The following ELAVL1 variants were observed in gnomAD, a reference collection of about 807,000 sequenced individuals.
ELAVL1 encodes the protein ELAV like RNA binding protein 1.
In ELAVL1, 1 loss-of-function variant was observed where a neutral mutation model predicts 28.4. That is an observed-to-expected ratio of 0.04 (90% CI 0.01 to 0.17). The LOEUF is 0.17. Ranked by LOEUF, ELAVL1 falls within the 10% of genes least tolerant of loss-of-function variation. ELAVL1 has a pLI of 1.00. For synonymous variants in ELAVL1, 174 were observed against 183.5 expected (o/e 0.95, Z 0.42); for missense variants, 157 against 447.2 (o/e 0.35, Z 5.85).
chr19:7,959,995 G>A lies in ELAVL1; in HGVS notation c.*3488C>T, dbSNP rs1005193904. ...CTGCGAAAAGCACATGGAAATAAAA[G>A]GGGGCTGAATCGGATGTGAAATGTA... On this transcript the variant is annotated 3_prime_UTR_variant, in exon 6 of 6. Transcript: ENST00000407627. The A allele has an allele frequency of 1.3e-5, 2 of 152,202 alleles. No individual in the cohort carries two copies. The highest frequency in any genetic ancestry group is 2.9e-5 in the Non-Finnish European group (2 of 68,040). 9.4% of individuals were successfully genotyped at this position (152,202 alleles called of 1,614,324 possible).
At chr19:7,974,121 G>A (rs996874352) in intron 3 of ELAVL1, among the ~76,000 whole-genome samples, 2 of 152,234 alleles carry the variant, frequency 1.3e-5, no homozygotes, top group African/African-American at 4.8e-5. Context: ...AAGGAGGCAG[G>A]CGTGACTCCT....
chr19:7,992,351 C>A (rs1985774690), intron 1 of ELAVL1, among the ~76,000 whole-genome samples: 1 of 152,166 alleles, frequency 6.6e-6, no homozygotes, highest in African/African-American at 2.4e-5. Context: ...CTGGAAGCAA[C>A]CAGGATCTCC....
At chr19:7,969,359 G>C (rs1357831079) in intron 4 of ELAVL1, among the ~76,000 whole-genome samples, 2 of 152,138 alleles carry the variant, frequency 1.3e-5, no homozygotes, top group Non-Finnish European at 2.9e-5. Context: ...CCCATGTCCT[G>C]TCTCCACGCC....
chr19:7,990,338 GTT>G (rs752741632), intron 2 of ELAVL1, among the ~76,000 whole-genome samples: 1 of 141,082 alleles, frequency 7.1e-6, no homozygotes, highest in Non-Finnish European at 1.5e-5. Flanking sequence ...TTTTAAATTA[GTT>G]TTTTTTTTTT....
chr19:7,972,023 C>A (rs934393462), intron 4 of ELAVL1, among the ~76,000 whole-genome samples: 1 of 152,234 alleles, frequency 6.6e-6, no homozygotes, highest in African/African-American at 2.4e-5. Flanking sequence ...CACCTCAGAG[C>A]ATGACTTTCT....
chr19:8,002,348 A>G (rs950631773), intron 1 of ELAVL1: 13 of 364,412 alleles, frequency 3.6e-5, no homozygotes, highest in Non-Finnish European at 6.5e-5. Flanking sequence ...CAGCCAGGGC[A>G]TAATTCTCAC....
At chr19:8,001,565 G>A (rs565412438) in intron 1 of ELAVL1, among the ~76,000 whole-genome samples, 4 of 152,128 alleles carry the variant, frequency 2.6e-5, no homozygotes, top group South Asian at 2.1e-4. Context: ...TCTGGCCATC[G>A]AGCTGTTCAG....
At position 7,981,377 on chromosome 19, in the gene ELAVL1, A is replaced by G. The variant is rs1474775455; in HGVS notation, c.173-191T>C. 2.0e-5 allele frequency among the ~76,000 whole-genome samples: 3 copies of G among 148,038 alleles called. No homozygotes were observed. Among genetic ancestry groups the G allele is most frequent in the African/African-American group, 7.5e-5 (3 of 40,022 alleles). ...TTCCTTTTTTTTTTTTTTTTTAAAG[A>G]GATAGGATCTTGCTCTGTCACCCAG... On this transcript the variant is annotated intron_variant, in intron 2 of 5. Coordinates refer to ENST00000407627, the MANE Select transcript of ELAVL1 (RefSeq NM_001419.3). This position sits in a 1 kb window ranked among gnomAD's most constrained non-coding sequence, Gnocchi z 4.2.
intron 2 of ELAVL1, among the ~76,000 whole-genome samples, chr19:7,989,090 T>C (rs749880205): frequency 2.6e-5 from 4 of 152,110 alleles, no homozygotes; most frequent in Non-Finnish European, 4.4e-5. Flanking sequence ...AGGGATCAGA[T>C]TCGCCGGGGT....
chr19:7,988,882 AG>A lies in ELAVL1; in HGVS notation c.172+2761del, dbSNP rs370876882. On this transcript the variant is annotated intron_variant, in intron 2 of 5. Coordinates refer to ENST00000407627, the MANE Select transcript of ELAVL1 (RefSeq NM_001419.3). ...GAAAAGTGGGCACTTGGAGAGCCTG[AG>A]GCTCTTGGGAAGCCGGGAAGGGAAG... Among the ~76,000 whole-genome samples, 598 of 152,268 alleles carry A rather than the reference AG, an allele frequency of 3.9e-3. 2 individuals carry two copies. The highest frequency in any genetic ancestry group is 0.014 in the African/African-American group (562 of 41,556).
intron 3 of ELAVL1, among the ~76,000 whole-genome samples, chr19:7,975,492 T>C (rs1985255654): frequency 1.3e-5 from 2 of 152,240 alleles, no homozygotes; most frequent in Non-Finnish European, 2.9e-5. Context: ...TCAGAACAGC[T>C]GGCGCACAGC....
intron 2 of ELAVL1, among the ~76,000 whole-genome samples, chr19:7,986,140 C>T (rs1010977812): frequency 3.3e-5 from 5 of 152,240 alleles, no homozygotes; most frequent in Non-Finnish European, 5.9e-5. Flanking sequence ...GCTTCCATCC[C>T]TCCATGCTTC....
intron 3 of ELAVL1, among the ~76,000 whole-genome samples, chr19:7,975,507 G>A (rs913839623): frequency 5.9e-5 from 9 of 152,228 alleles, no homozygotes; most frequent in Non-Finnish European, 1.0e-4. Flanking sequence ...CACAGCAGGC[G>A]TGCACTGACC....
intron 4 of ELAVL1, among the ~76,000 whole-genome samples, chr19:7,970,138 A>C (rs984118287): frequency 2.0e-5 from 3 of 151,496 alleles, no homozygotes; most frequent in Non-Finnish European, 4.4e-5. Flanking sequence ...ATGCCTGGCT[A>C]ATTTTTATTT....
chr19:7,996,185 T>C (rs902614640), intron 1 of ELAVL1, among the ~76,000 whole-genome samples: 3 of 128,026 alleles, frequency 2.3e-5, no homozygotes, highest in African/African-American at 5.6e-5. Flanking sequence ...CCAGAACCCT[T>C]TTTTTTTTTT....
At chr19:8,004,002 C>T (rs973488532) in intron 1 of ELAVL1, among the ~76,000 whole-genome samples, 5 of 152,150 alleles carry the variant, frequency 3.3e-5, no homozygotes, top group Non-Finnish European at 5.9e-5. Flanking sequence ...GAGTTCAAAC[C>T]CTGGCGCAGC....
intron 4 of ELAVL1, among the ~76,000 whole-genome samples, chr19:7,968,056 C>T (rs1985001065): frequency 6.6e-6 from 1 of 152,202 alleles, no homozygotes; most frequent in African/African-American, 2.4e-5. Flanking sequence ...TGACAGACAT[C>T]CCCAATAGAC....
chr19:7,990,125 T>C (rs1282635980), intron 2 of ELAVL1, among the ~76,000 whole-genome samples: 2 of 152,116 alleles, frequency 1.3e-5, no homozygotes, highest in African/African-American at 2.4e-5. Context: ...CAGGTTCAAG[T>C]GATTCTCCTG....
rs141063735 is a variant in ELAVL1, at chr19:7,989,234, G to A, written c.172+2410C>T. Among the ~76,000 whole-genome samples the A allele has an allele frequency of 5.7e-3, 875 of 152,296 alleles. 10 individuals carry two copies. Among genetic ancestry groups the A allele is most frequent in the African/African-American group, 0.02 (833 of 41,560 alleles). On this transcript the variant is annotated intron_variant, in intron 2 of 5. Transcript: ENST00000407627. The stretch of plus-strand genomic sequence containing the variant: ...GGTTTGCCCACACTGGCGGCAGGCT[G>A]AGCAAAGCCAGGTTGCAGCATGTTC...
Sources: allele counts gnomAD v4.1 joint callset (sites outside exome capture counted in the v4.1 genomes callset), GRCh38; gene constraint gnomAD v4.1.1; non-coding constraint Gnocchi (gnomAD v3.1); transcripts MANE v1.5; gene names NCBI Gene and HGNC (gene_info 2026-07-23, HGNC 2026-07-21).